NDRG4: variants seen among roughly 807,000 people sequenced by gnomAD.
The protein encoded by NDRG4 is protein NDRG4.
A neutral mutation model predicts 55.8 loss-of-function variants in NDRG4; 38 were observed. The observed-to-expected ratio is 0.68, with a 90% CI of 0.53 to 0.89. The LOEUF is 0.89. Ranked by LOEUF, NDRG4 falls within the 40% of genes least tolerant of loss-of-function variation. The pLI, the probability that NDRG4 is intolerant of heterozygous loss-of-function variation, is 0.00. For missense variants in NDRG4, 455 were observed against 468.6 expected (o/e 0.97, Z 0.27); for synonymous variants, 190 against 182.7 (o/e 1.04, Z -0.32).
At chr16:58,471,207 T>C (rs796358148) in intron 1 of NDRG4, among the ~76,000 whole-genome samples, 3,061 of 132,218 alleles carry the variant, frequency 0.023, 58 homozygotes, top group African/African-American at 0.061. Flanking sequence ...TTTTTTTTTT[T>C]TTTTTGGAGA....
intron 1 of NDRG4, among the ~76,000 whole-genome samples, chr16:58,468,874 G>C (rs185774038): frequency 2.0e-5 from 3 of 152,274 alleles, no homozygotes; most frequent in Admixed American, 2.0e-4. Context: ...ATGTGAAAGT[G>C]GGACACTGGT....
chr16:58,502,241 G>A, intron 1 of NDRG4: 1 of 341,684 alleles, frequency 2.9e-6, no homozygotes, highest in South Asian at 2.2e-5. Context: ...AGTGGTCAGT[G>A]GCGGGGAAGT....
intron 1 of NDRG4, among the ~76,000 whole-genome samples, chr16:58,477,691 A>G (rs1168785465): frequency 6.6e-6 from 1 of 152,116 alleles, no homozygotes; most frequent in Non-Finnish European, 1.5e-5. Flanking sequence ...GGAAAAAAAA[A>G]AAGAAAATTA....
intron 5 of NDRG4, chr16:58,506,169 TAGGG>T (rs765850715): frequency 7.4e-6 from 5 of 673,230 alleles, no homozygotes; most frequent in Admixed American, 2.1e-5. Flanking sequence ...TGTGTGTGTG[TAGGG>T]GTGGAAACAA....
chr16:58,504,353 C>T lies in NDRG4; in HGVS notation c.249-6C>T, dbSNP rs755867146. 1 of 1,613,786 alleles carries T rather than the reference C, an allele frequency of 6.2e-7. No individual in the cohort carries two copies. On this transcript the variant is annotated splice_region_variant and splice_polypyrimidine_tract_variant and intron_variant, in intron 3 of 14. Transcript: ENST00000570248. ...CCTGGGCCCTGACCTCCTGCTCTGCCTGCAGGTACCAGTTCCCCTCCATGG... is the reference window on the plus strand; with the variant it reads ...CCTGGGCCCTGACCTCCTGCTCTGCTTGCAGGTACCAGTTCCCCTCCATGG...
In NDRG4 at chr16:58,471,843, G is replaced by C. The variant is rs1470629416; in HGVS notation, c.-24+8046G>C. Among the ~76,000 whole-genome samples, 5 of 152,098 alleles carry C rather than the reference G, an allele frequency of 3.3e-5. No individual in the cohort carries two copies. The South Asian group carries it at 6.2e-4, about 19-fold the overall frequency. ...GGTGGGACCCCAGCCTCTTTGGAGGGGACAGAGGGAATATTTCTGGGATGT... is the reference window on the plus strand; with the variant it reads ...GGTGGGACCCCAGCCTCTTTGGAGGCGACAGAGGGAATATTTCTGGGATGT... On this transcript the variant is annotated intron_variant, in intron 1 of 15. Coordinates refer to the NDRG4 transcript ENST00000258187.
intron 1 of NDRG4, among the ~76,000 whole-genome samples, chr16:58,503,184 C>T (rs1397151348): frequency 6.6e-6 from 1 of 152,084 alleles, no homozygotes; most frequent in Non-Finnish European, 1.5e-5. Context: ...CAGAAGGCCT[C>T]TAGAGGGGAT....
At chr16:58,506,535 C>G (rs369599971) in intron 6 of NDRG4, 23 bp from the exon 7 acceptor site, 9 of 1,599,710 alleles carry the variant, frequency 5.6e-6, no homozygotes, top group African/African-American at 1.3e-5. Context: ...GCGGCACTCA[C>G]GCTGGCGCCC....
At chr16:58,480,385 T>C (rs1005516373) in intron 1 of NDRG4, among the ~76,000 whole-genome samples, 1 of 152,162 alleles carries the variant, frequency 6.6e-6, no homozygotes, top group Admixed American at 6.5e-5. Context: ...CCTCCCAAAG[T>C]GCTGGGATTA....
intron 11 of NDRG4, 59 bp downstream of exon 11, chr16:58,509,068 A>G: frequency 6.2e-7 from 1 of 1,613,878 alleles, no homozygotes; most frequent in South Asian, 1.1e-5. Context: ...AACCTCAGGG[A>G]GGTGTTTTCC....
At chr16:58,500,040 G>C, upstream of NDRG4, 1 of 1,387,370 alleles carries the variant, frequency 7.2e-7, no homozygotes, top group South Asian at 1.5e-5. Flanking sequence ...GGGAGCTGGG[G>C]CTCCTGGTAA....
chr16:58,484,882 ACTT>A (rs2034897190), intron 1 of NDRG4, among the ~76,000 whole-genome samples: 1 of 130,216 alleles, frequency 7.7e-6, no homozygotes, highest in Non-Finnish European at 1.6e-5. Flanking sequence ...ATCATAACTT[ACTT>A]TTTTTTTTTT....
At chr16:58,489,217 G>A (rs2035485885) in intron 2 of NDRG4, among the ~76,000 whole-genome samples, 1 of 151,988 alleles carries the variant, frequency 6.6e-6, no homozygotes, top group Admixed American at 6.6e-5. Context: ...CTTGAACCCG[G>A]GAGGTTCAAC....
chr16:58,504,600 T>C lies in NDRG4; in HGVS notation c.323T>C (p.Val108Ala), dbSNP rs138258417. Reference sequence around the variant, plus strand: ...CTGCTCTGCACCAGGTTCAAGTATGTGATTGGCATCGGAGTGGGCGCCGGA... The same window carrying C: ...CTGCTCTGCACCAGGTTCAAGTATGCGATTGGCATCGGAGTGGGCGCCGGA... The part of the protein sequence containing the change: ...SVVQHFGFKY[V>A]IGIGVGAGAY... Residue 108 changes from valine to alanine, a missense_variant, in exon 5 of 15, where the codon GTG (valine) becomes GCG (alanine). Physicochemically the swap from Val to Ala is moderately conservative, Grantham distance 64. Coordinates refer to ENST00000570248, the MANE Select transcript of NDRG4 (RefSeq NM_001242835.2). 3.7e-6 allele frequency: 6 copies of C among 1,614,060 alleles called. No homozygotes were observed. In the African/African-American group the frequency reaches 8.0e-5, roughly 22 times the overall value.
At chr16:58,506,320 T>C in intron 5 of NDRG4, 67 bp from the exon 6 acceptor site, 1 of 1,486,518 alleles carries the variant, frequency 6.7e-7, no homozygotes, top group Non-Finnish European at 9.4e-7. Context: ...TTGAAGACTT[T>C]ACAGAGTGTT....
intron 13 of NDRG4, among the ~76,000 whole-genome samples, chr16:58,509,841 A>C (rs182421682): frequency 5.9e-5 from 9 of 152,120 alleles, no homozygotes; most frequent in African/African-American, 2.2e-4. Context: ...AGGGAAGGCA[A>C]CTGGGGCCGC....
intron 5 of NDRG4, 129 bp downstream of exon 5, chr16:58,504,778 C>G (rs2037634352): frequency 1.1e-6 from 1 of 904,148 alleles, no homozygotes; most frequent in Non-Finnish European, 1.7e-6. Context: ...CCTCCCACCT[C>G]CTCTTTATGT....
intron 1 of NDRG4, among the ~76,000 whole-genome samples, chr16:58,482,792 CTCTT>C (rs1329261526): frequency 1.4e-5 from 2 of 139,980 alleles, no homozygotes; most frequent in Non-Finnish European, 3.0e-5. Flanking sequence ...TTCTCTCTCT[CTCTT>C]TCTTTCTCTC....
At chr16:58,504,818 G>A in intron 5 of NDRG4, 169 bp downstream of exon 5, 1 of 661,710 alleles carries the variant, frequency 1.5e-6, no homozygotes, top group Non-Finnish European at 2.6e-6. Flanking sequence ...TTTTCCTCCA[G>A]GGAAATTAAC....
Sources: allele counts gnomAD v4.1 joint callset (sites outside exome capture counted in the v4.1 genomes callset), GRCh38; gene constraint gnomAD v4.1.1; transcripts MANE v1.5; gene names NCBI Gene and HGNC (gene_info 2026-07-23, HGNC 2026-07-21).